SUGCT: variants seen among roughly 807,000 people sequenced by gnomAD.
SUGCT encodes the protein succinyl-CoA:glutarate CoA-transferase.
In SUGCT, 41 loss-of-function variants were observed where a neutral mutation model predicts 55.0. That is an observed-to-expected ratio of 0.74 (90% CI 0.58 to 0.97). The LOEUF is 0.97. SUGCT is among the 50% of genes least tolerant of loss of function. The pLI is 0.00. For synonymous variants in SUGCT, 187 were observed against 200.4 expected (o/e 0.93, Z 0.56); for missense variants, 568 against 547.8 (o/e 1.04, Z -0.37).
intron 8 of SUGCT, among the ~76,000 whole-genome samples, chr7:40,295,174 T>G (rs1281771887): frequency 6.6e-6 from 1 of 152,170 alleles, no homozygotes; most frequent in Non-Finnish European, 1.5e-5. Flanking sequence ...AATGCCAAAA[T>G]GATACAAATG....
At chr7:40,857,730 C>A (rs946430053) in intron 13 of SUGCT, among the ~76,000 whole-genome samples, 2 of 151,862 alleles carry the variant, frequency 1.3e-5, no homozygotes, top group African/African-American at 4.8e-5. Context: ...GTGAAAGAAG[C>A]CAGACACAAA....
intron 12 of SUGCT, among the ~76,000 whole-genome samples, chr7:40,581,904 A>G (rs938222820): frequency 1.3e-5 from 2 of 152,210 alleles, no homozygotes; most frequent in East Asian, 1.9e-4. Flanking sequence ...AGAAGAGACT[A>G]TTGGGCACAG....
At chr7:40,676,842 A>T (rs1276139880) in intron 12 of SUGCT, among the ~76,000 whole-genome samples, 2 of 151,932 alleles carry the variant, frequency 1.3e-5, no homozygotes, top group African/African-American at 4.8e-5. Flanking sequence ...TTGTTTCTTC[A>T]CACAAAAATT....
the SUGCT span, among the ~76,000 whole-genome samples, chr7:40,898,974 C>T: frequency 1.8e-4 from 28 of 152,084 alleles, no homozygotes; most frequent in African/African-American, 6.5e-4. Context: ...AGTGGCTCTC[C>T]TTGGGGCTGG....
intron 9 of SUGCT, among the ~76,000 whole-genome samples, chr7:40,403,913 T>C (rs1000854529): frequency 6.6e-6 from 1 of 152,244 alleles, no homozygotes; most frequent in African/African-American, 2.4e-5. Flanking sequence ...TTTGACTGGC[T>C]TGCTGGCTGA....
chr7:40,696,634 G>C (rs1784945665), intron 12 of SUGCT, among the ~76,000 whole-genome samples: 1 of 152,126 alleles, frequency 6.6e-6, no homozygotes, highest in Non-Finnish European at 1.5e-5. Context: ...GAGCCACTAG[G>C]AATGTTTGAG....
At chr7:40,822,795 T>A (rs1272297411) in intron 13 of SUGCT, among the ~76,000 whole-genome samples, 2 of 152,040 alleles carry the variant, frequency 1.3e-5, no homozygotes, top group Non-Finnish European at 2.9e-5. Context: ...GAAAGAGATA[T>A]GGGGAAGGAA....
chr7:40,686,688 A>T (rs2151893464), intron 12 of SUGCT, among the ~76,000 whole-genome samples: 1 of 152,336 alleles, frequency 6.6e-6, no homozygotes, highest in African/African-American at 2.4e-5. Flanking sequence ...GGGAAACTCT[A>T]CACATCTCTG....
intron 7 of SUGCT, among the ~76,000 whole-genome samples, chr7:40,240,490 A>G (rs996436093): frequency 6.6e-6 from 1 of 152,120 alleles, no homozygotes; most frequent in Non-Finnish European, 1.5e-5. Context: ...TCTCCAAAAA[A>G]AAAAAGAAAA....
chr7:40,965,321 T>G, the SUGCT span: 4 of 152,234 alleles, frequency 2.6e-5, no homozygotes, highest in Non-Finnish European at 5.9e-5. Flanking sequence ...CAAATTTAAC[T>G]ATGTTTGCAG....
At chr7:40,582,293 A>G (rs1299678351) in intron 12 of SUGCT, among the ~76,000 whole-genome samples, 2 of 152,132 alleles carry the variant, frequency 1.3e-5, no homozygotes, top group Non-Finnish European at 2.9e-5. Flanking sequence ...TTTTGTTGGT[A>G]TAATCTGTAC....
intron 12 of SUGCT, among the ~76,000 whole-genome samples, chr7:40,561,582 CT>C (rs1324364634): frequency 6.6e-6 from 1 of 151,752 alleles, no homozygotes; most frequent in East Asian, 1.9e-4. Flanking sequence ...AATAACCCTA[CT>C]TTGAGGACAT....
In SUGCT at chr7:40,512,722, A is replaced by T. The variant is rs180810473; in HGVS notation, c.1089+16336A>T. On this transcript the variant is annotated intron_variant, in intron 12 of 13. Coordinates refer to ENST00000335693, the MANE Select transcript of SUGCT (RefSeq NM_001193313.2). Reference sequence around the variant, plus strand: ...AATGTGGTGAAGGGGTAGGTACTTTAGGCAGAAGTAGTAACTGGCATAGAA... The same window carrying T: ...AATGTGGTGAAGGGGTAGGTACTTTTGGCAGAAGTAGTAACTGGCATAGAA... Among the ~76,000 whole-genome samples the T allele has an allele frequency of 3.1e-3, 467 of 152,210 alleles. 2 individuals are homozygous for T. The highest frequency in any genetic ancestry group is 0.01 in the Middle Eastern group (3 of 294).
intron 8 of SUGCT, among the ~76,000 whole-genome samples, chr7:40,306,594 G>A (rs1489957534): frequency 6.6e-6 from 1 of 152,146 alleles, no homozygotes; most frequent in Non-Finnish European, 1.5e-5. Flanking sequence ...TAGAATTGTA[G>A]AATAATGTAA....
chr7:41,038,092 G>A, the SUGCT span, among the ~76,000 whole-genome samples: 1 of 152,100 alleles, frequency 6.6e-6, no homozygotes, highest in African/African-American at 2.4e-5. Context: ...AATGGAGGGG[G>A]ACAAAGGAAG....
At chr7:40,482,695 A>G (rs1225763990) in intron 11 of SUGCT, among the ~76,000 whole-genome samples, 1 of 152,210 alleles carries the variant, frequency 6.6e-6, no homozygotes, top group Non-Finnish European at 1.5e-5. Flanking sequence ...AATTCTGGTC[A>G]GGCCAAACCA....
chr7:40,723,884 A>C (rs1320981203), intron 12 of SUGCT, among the ~76,000 whole-genome samples: 1 of 152,126 alleles, frequency 6.6e-6, no homozygotes, highest in African/African-American at 2.4e-5. Context: ...AGTTCCTACC[A>C]CCTAGCAGGC....
chr7:40,351,976 T>C (rs1170261762), intron 9 of SUGCT, among the ~76,000 whole-genome samples: 3 of 152,240 alleles, frequency 2.0e-5, no homozygotes. Context: ...TCTTTGGTGT[T>C]GCTGGGCATT....
chr7:41,022,164 C>T, the SUGCT span, among the ~76,000 whole-genome samples: 1 of 152,038 alleles, frequency 6.6e-6, no homozygotes, highest in African/African-American at 2.4e-5. Flanking sequence ...TGTATGTGAA[C>T]AATGGACTGC....
Sources: gnomAD v4.1 joint callset for allele counts (sites outside exome capture counted in the v4.1 genomes callset) on GRCh38, gnomAD v4.1.1 for gene constraint, MANE v1.5 for transcripts, NCBI Gene and HGNC (gene_info 2026-07-23, HGNC 2026-07-21) for gene names.